The following CCZ1B variants were observed in gnomAD, a reference collection of about 807,000 sequenced individuals.
The protein encoded by CCZ1B is CCZ1B vacuolar protein trafficking and biogenesis associated.
A neutral mutation model predicts 58.8 loss-of-function variants in CCZ1B; 25 were observed. That is an observed-to-expected ratio of 0.43 (90% confidence interval 0.31 to 0.59). The LOEUF (loss-of-function observed/expected upper bound fraction) is 0.59, where lower values mean the gene tolerates loss of function less well. CCZ1B is among the 20% of genes least tolerant of loss of function. The pLI is 0.12. For synonymous variants in CCZ1B, 66 were observed against 173.2 expected, an observed-to-expected ratio of 0.38 and a Z score of 4.86; for missense variants, 180 against 501.5, an observed-to-expected ratio of 0.36 and a Z score of 6.12.
At chr7:6,817,650 A>G (rs148341937) in intron 7 of CCZ1B, among the ~76,000 whole-genome samples, 11,739 of 148,826 alleles carry the variant, frequency 0.079, 481 homozygotes, top group East Asian at 0.23. Context: ...CATTGTGTAC[A>G]TATCACAGAA....
intron 7 of CCZ1B, among the ~76,000 whole-genome samples, chr7:6,819,265 C>T (rs1428956544): frequency 7.2e-6 from 1 of 139,488 alleles, no homozygotes. Context: ...GAGACAGAGT[C>T]TCTCTCTGTT....
intron 1 of CCZ1B, among the ~76,000 whole-genome samples, chr7:6,825,765 C>T (rs1190809490): frequency 8.1e-6 from 1 of 123,242 alleles, no homozygotes; most frequent in Admixed American, 9.0e-5. Flanking sequence ...CCTGGTTCCA[C>T]GCTTCTAGTT....
intron 10 of CCZ1B, among the ~76,000 whole-genome samples, chr7:6,810,929 C>G (rs1782908251): frequency 6.7e-6 from 1 of 150,168 alleles, no homozygotes; most frequent in Non-Finnish European, 1.5e-5. Context: ...GGATGAAGGT[C>G]TCAGTTCTGT....
intron 7 of CCZ1B, among the ~76,000 whole-genome samples, chr7:6,818,927 C>G (rs913414923): frequency 6.8e-6 from 1 of 147,922 alleles, no homozygotes; most frequent in Admixed American, 6.7e-5. Flanking sequence ...CCTAGTTTCA[C>G]GATAGCAGGT....
At chr7:6,822,525 G>C in intron 5 of CCZ1B, 161 bp from the exon 6 acceptor site, 1 of 1,296,754 alleles carries the variant, frequency 7.7e-7, no homozygotes, top group South Asian at 1.7e-5. Context: ...AGTTAAAAAT[G>C]TAAGTTACAA....
At chr7:6,809,304 G>A (rs546765662) in intron 10 of CCZ1B, among the ~76,000 whole-genome samples, 1 of 108,800 alleles carries the variant, frequency 9.2e-6, no homozygotes, top group Non-Finnish European at 1.8e-5. Context: ...AGAAATCACT[G>A]AACTGTACAT....
At chr7:6,811,915 G>A in intron 10 of CCZ1B, 37 bp downstream of exon 10, 5 of 1,595,674 alleles carry the variant, frequency 3.1e-6, no homozygotes, top group Non-Finnish European at 4.3e-6. Context: ...ATCCATTTCA[G>A]CACAATCATT....
At chr7:6,800,765 G>A (rs1239822098) in intron 14 of CCZ1B, among the ~76,000 whole-genome samples, 183 bp downstream of exon 14, 1 of 133,840 alleles carries the variant, frequency 7.5e-6, no homozygotes, top group Admixed American at 7.7e-5. Context: ...AGTTTCCTGT[G>A]CTACAGGAAG....
intron 6 of CCZ1B, among the ~76,000 whole-genome samples, chr7:6,820,489 T>A (rs1194648403): frequency 6.7e-6 from 1 of 149,016 alleles, no homozygotes; most frequent in African/African-American, 2.5e-5. Flanking sequence ...AAATTTTTTT[T>A]TTTTTTTGGT....
In CCZ1B at chr7:6,820,696, C is replaced by CA. The variant is rs1439549225; in HGVS notation, c.523-756dup. 4.0e-5 allele frequency among the ~76,000 whole-genome samples: 6 copies of CA among 148,790 alleles called. No homozygotes were observed. The East Asian group carries it at 9.9e-4, about 25-fold the overall frequency. Reference sequence around the variant, plus strand: ...CAGCCCTTTGGGAGGCCAAGGCGGGCACATCACTTGAGGTCAGGAGTTTGA... The same window carrying CA: ...CAGCCCTTTGGGAGGCCAAGGCGGGCAACATCACTTGAGGTCAGGAGTTTGA... On this transcript the variant is annotated intron_variant, in intron 6 of 14. Coordinates refer to ENST00000316731, the MANE Select transcript of CCZ1B (RefSeq NM_198097.5).
intron 6 of CCZ1B, among the ~76,000 whole-genome samples, 162 bp downstream of exon 6, chr7:6,822,119 G>C (rs1321942515): frequency 1.3e-5 from 2 of 149,658 alleles, no homozygotes; most frequent in African/African-American, 5.0e-5. Context: ...CACGCCTCAT[G>C]CGTTTCCTCG....
intron 6 of CCZ1B, 136 bp downstream of exon 6, chr7:6,822,145 G>C (rs1018792965): frequency 2.3e-6 from 3 of 1,332,338 alleles, no homozygotes; most frequent in South Asian, 2.9e-5. Flanking sequence ...CCAGTTTTGC[G>C]ACGGTCTGTC....
rs145992513 is a variant in CCZ1B, at chr7:6,819,822, C to G, written c.642G>C (p.Glu214Asp). The part of the protein sequence containing the change: ...LKIQSFINRM[E>D]ESLNIVKYTA... ...TGTATTTGACTATATTCAGGCTTTCCTCCATTCTATTAATAAAGGACTGGA... is the reference window on the plus strand; with the variant it reads ...TGTATTTGACTATATTCAGGCTTTCGTCCATTCTATTAATAAAGGACTGGA... The change falls in exon 7 of 15, where the codon GAG becomes GAC. Residue 214 changes from glutamate to aspartate, a missense_variant. Coordinates refer to ENST00000316731, the MANE Select transcript of CCZ1B (RefSeq NM_198097.5). 0.21 allele frequency: 330,249 copies of G among 1,556,392 alleles called. 41,488 individuals carry two copies. The highest frequency in any genetic ancestry group is 0.39 in the Admixed American group (22,312 of 57,242).
chr7:6,818,565 CAGAAAGAA>C (rs1783046860), intron 7 of CCZ1B, among the ~76,000 whole-genome samples: 23 of 105,482 alleles, frequency 2.2e-4, no homozygotes, highest in Non-Finnish European at 3.3e-4. Flanking sequence ...GAAAGAAAGA[CAGAAAGAA>C]AGACAGAAAG....
chr7:6,801,973 G>C (rs1456031141), intron 12 of CCZ1B, among the ~76,000 whole-genome samples: 1 of 114,194 alleles, frequency 8.8e-6, no homozygotes, highest in Non-Finnish European at 1.8e-5. Context: ...TAGTTGAGTA[G>C]TTTTAACACG....
At chr7:6,809,510 G>C (rs1339599103) in intron 10 of CCZ1B, among the ~76,000 whole-genome samples, 11 of 145,526 alleles carry the variant, frequency 7.6e-5, no homozygotes, top group Non-Finnish European at 1.0e-4. Context: ...TCATTACCTG[G>C]GTCATTCAAA....
In CCZ1B at chr7:6,818,517, C is replaced by G. The variant is rs1383612375; in HGVS notation, c.698+1249G>C. ...TGAGCCAAGATCGCGCCACTGTACT[C>G]CAGCCTGGCAACAGAGTGAGACTCC... On this transcript the variant is annotated intron_variant, in intron 7 of 14. Coordinates refer to ENST00000316731, the MANE Select transcript of CCZ1B (RefSeq NM_198097.5). 1.0e-4 allele frequency among the ~76,000 whole-genome samples: 15 copies of G among 148,456 alleles called. 1 individual carries two copies. Among genetic ancestry groups the G allele is most frequent in the African/African-American group, 3.3e-4 (13 of 39,038 alleles).
chr7:6,824,476 T>G lies in CCZ1B; in HGVS notation c.291A>C (p.Glu97Asp). The G allele has an allele frequency of 2.5e-6, 4 of 1,606,484 alleles. No homozygotes were observed. The highest frequency in any genetic ancestry group is 3.4e-6 in the Non-Finnish European group (4 of 1,178,054). The change falls in exon 3 of 15, where the codon GAA becomes GAC. Residue 97 changes from glutamate (E) to aspartate (D), a missense_variant. Coordinates refer to ENST00000316731, the MANE Select transcript of CCZ1B (RefSeq NM_198097.5). Reference sequence around the variant, plus strand: ...ATACCATGACCATCCAGAAATTTTCTTCTGGTTCATTGAAGAACTGTCTGT... The same window carrying G: ...ATACCATGACCATCCAGAAATTTTCGTCTGGTTCATTGAAGAACTGTCTGT... Reference protein sequence around the residue: ...QKNRQFFNEPEENFWMVMVVR... With the variant: ...QKNRQFFNEPDENFWMVMVVR...
At chr7:6,811,606 AG>A in intron 10 of CCZ1B, 1 of 278,832 alleles carries the variant, frequency 3.6e-6, no homozygotes, top group East Asian at 9.3e-5. Context: ...TCAGAGCAAA[AG>A]CAGCATATGC....
Sources: allele counts gnomAD v4.1 joint callset (sites outside exome capture counted in the v4.1 genomes callset), GRCh38; gene constraint gnomAD v4.1.1; transcripts MANE v1.5; gene names NCBI Gene and HGNC (gene_info 2026-07-23, HGNC 2026-07-21).